Variants in INPP5E observed in about 807,000 individuals in gnomAD.
The protein encoded by INPP5E is inositol polyphosphate-5-phosphatase E.
INPP5E carries 34 observed loss-of-function variants against 50.5 expected under a neutral mutation model. The ratio of observed to expected loss-of-function variants is 0.67; its 90% CI spans 0.51 to 0.90. INPP5E has a LOEUF of 0.90. INPP5E is among the 40% of genes least tolerant of loss of function. INPP5E has a pLI of 0.00. For synonymous variants in INPP5E, 447 were observed against 406.0 expected (o/e 1.10, Z -1.21); for missense variants, 942 against 905.5 (o/e 1.04, Z -0.52).
chr9:136,433,121 T>TTCCAGCCGCACCCACCCC (rs1835749684), intron 4 of INPP5E, 34 bp downstream of exon 4: 2 of 1,357,716 alleles, frequency 1.5e-6, no homozygotes, highest in African/African-American at 1.7e-5. Flanking sequence ...CGCTGCCACC[T>TTCCAGCCGCACCCACCCC]TCCAGCCGCG....
intron 6 of INPP5E, 33 bp downstream of exon 6, chr9:136,432,446 G>A (rs1361343988): frequency 5.2e-5 from 73 of 1,413,694 alleles, no homozygotes; most frequent in Middle Eastern, 1.9e-4. Flanking sequence ...GAACCACGGC[G>A]GCACCACCCA....
At chr9:136,432,238 C>G (rs553975947) in intron 6 of INPP5E, among the ~76,000 whole-genome samples, 9 of 152,276 alleles carry the variant, frequency 5.9e-5, no homozygotes, top group African/African-American at 1.9e-4. Flanking sequence ...GGGGAGGCGG[C>G]GGGGCGGGCA....
chr9:136,429,268 C>T lies in INPP5E; in HGVS notation c.*407G>A, dbSNP rs1338463033. On this transcript the variant is annotated 3_prime_UTR_variant, in exon 10 of 10. Coordinates refer to ENST00000371712, the MANE Select transcript of INPP5E (RefSeq NM_019892.6). ...GGGCTGCCAGGAGGACACAGATGGA[C>T]GCCTGCTTCGGGTGTGGAGGGAGAG... 3.1e-5 allele frequency: 10 copies of T among 322,516 alleles called. No homozygotes were observed. Among genetic ancestry groups the T allele is most frequent in the South Asian group, 1.7e-4 (6 of 35,842 alleles). The allele number at this position is 322,516 out of a possible 1,614,324, so 20.0% of individuals were successfully genotyped here. A position where few individuals can be genotyped will look rare whatever the true frequency, so the allele number is the denominator to read the frequency against.
rs780428016 is a variant in INPP5E at position 136,432,596 on chromosome 9, C to T, written c.1280-10G>A. On this transcript the variant is annotated splice_polypyrimidine_tract_variant and intron_variant, in intron 5 of 9. Coordinates refer to ENST00000371712, the MANE Select transcript of INPP5E (RefSeq NM_019892.6). ...ACCTTCCCGTCACCTGCTGTGGGAA[C>T]AGAAATGGGGTAGGGACCACAGGGT... 7.0e-5 allele frequency: 106 copies of T among 1,515,414 alleles called. No homozygotes were observed. Among genetic ancestry groups the T allele is most frequent in the Non-Finnish European group, 9.1e-5 (102 of 1,116,598 alleles). 93.9% of individuals were successfully genotyped at this position (1,515,414 alleles called of 1,614,324 possible).
rs1447298169 is a variant in INPP5E, at chr9:136,438,865, C to T, written c.555G>A (p.Leu185=). 6.3e-7 allele frequency: 1 copy of T among 1,594,900 alleles called. No individual in the cohort carries two copies. The highest frequency in any genetic ancestry group is 1.1e-5 in the South Asian group (1 of 89,454). The part of the protein sequence containing the change: ...DAAVAGSSPR[L]PSLLPPRPPP... ...GTGGGCGCGGGGGCAGCAGGCTGGG[C>T]AGCCTGGGCGAGCTCCCCGCCACGG... The change falls in exon 1 of 10, where the codon CTG becomes CTA. Residue 185 remains leucine, a synonymous_variant. Transcript: ENST00000371712.
intron 1 of INPP5E, 126 bp downstream of exon 1, chr9:136,438,482 A>C: frequency 1.2e-6 from 1 of 861,556 alleles, no homozygotes; most frequent in Non-Finnish European, 1.9e-6. Context: ...GCTGCGGGAG[A>C]CCCGCTTCGT....
chr9:136,434,847 T>A lies in INPP5E; in HGVS notation c.829A>T (p.Ser277Cys). Residue 277 changes from serine (S) to cysteine (C), a missense_variant, in exon 2 of 10, where the codon AGC becomes TGC. Ser to Cys is a moderately radical substitution (Grantham distance 112). Coordinates refer to ENST00000371712, the MANE Select transcript of INPP5E (RefSeq NM_019892.6). Reference protein sequence around the residue: ...DVRSRSYLEGSLLASGALLGA... With the variant: ...DVRSRSYLEGCLLASGALLGA... ...AACAGGGCCCCGCTGGCCAGGAGGC[T>A]GCCCTCCAGGTAACTCCTGTGACGG... 1 of 1,609,580 alleles carries A rather than the reference T, an allele frequency of 6.2e-7. No individual in the cohort carries two copies. The highest frequency in any genetic ancestry group is 8.5e-7 in the Non-Finnish European group (1 of 1,178,740).
rs867173264 is a variant in INPP5E at position 136,439,172 on chromosome 9, G to A, written c.248C>T (p.Ala83Val). 7 of 1,561,494 alleles carry A rather than the reference G, an allele frequency of 4.5e-6. No individual in the cohort carries two copies. The highest frequency in any genetic ancestry group is 1.4e-5 in the African/African-American group (1 of 73,914). The change falls in exon 1 of 10, where the codon GCC becomes GTC. Residue 83 changes from alanine (A) to valine (V), a missense_variant. Ala to Val is a moderately conservative substitution (Grantham distance 64, BLOSUM62 0). Coordinates refer to ENST00000371712, the MANE Select transcript of INPP5E (RefSeq NM_019892.6). The stretch of plus-strand genomic sequence containing the variant: ...CCAGCCCTTGTCGTCCAGGGACAGG[G>A]CTCGCTCCAGTCGAGGCCTGGCGGG... ...RPPARPRLER[A>V]LSLDDKGWRR...
chr9:136,437,877 G>A (rs1285774720), intron 1 of INPP5E: 1 of 153,248 alleles, frequency 6.5e-6, no homozygotes, highest in Non-Finnish European at 1.5e-5. Flanking sequence ...GCTTGGGAGA[G>A]GTCATGGGTT....
At chr9:136,435,997 C>T (rs555701678) in intron 1 of INPP5E, 1 of 152,350 alleles carries the variant, frequency 6.6e-6, no homozygotes, top group Admixed American at 6.5e-5. Context: ...CTCTAAGTAA[C>T]ACTTGTGCGG....
Position 136,431,228 on chromosome 9 carries a change from C to T in INPP5E, c.1550-111G>A, listed in dbSNP as rs538527461. On this transcript the variant is annotated intron_variant, in intron 7 of 9. Transcript: ENST00000371712. ...CCACGCCCACCCTCCCCCCACCCGCCGCAGGCCCTCACCTTTCCTCATCTC... is the reference window on the plus strand; with the variant it reads ...CCACGCCCACCCTCCCCCCACCCGCTGCAGGCCCTCACCTTTCCTCATCTC... The T allele has an allele frequency of 1.3e-4, 77 of 598,090 alleles. 1 individual carries two copies. Among genetic ancestry groups the T allele is most frequent in the Non-Finnish European group, 1.9e-4 (66 of 342,522 alleles). The allele number at this position is 598,090 out of a possible 1,614,324, so 37.0% of individuals were successfully genotyped here. A position where few individuals can be genotyped will look rare whatever the true frequency, so the allele number is the denominator to read the frequency against.
chr9:136,430,122 C>T lies in INPP5E; in HGVS notation c.1802+155G>A, dbSNP rs72775768. On this transcript the variant is annotated intron_variant, in intron 9 of 9. Transcript: ENST00000371712. ...TCTCCCCTTCCTGCCTTCTCCTGCT[C>T]CAGGATGAGTCCAACCGATCCCGGG... Among the ~76,000 whole-genome samples, 42,566 of 152,108 alleles carry T rather than the reference C, an allele frequency of 0.28. 6,140 individuals are homozygous for T. The highest frequency in any genetic ancestry group is 0.31 in the African/African-American group (13,021 of 41,492).
chr9:136,429,643 C>G lies in INPP5E; in HGVS notation c.*32G>C. 1 of 1,612,820 alleles carries G rather than the reference C, an allele frequency of 6.2e-7. No individual in the cohort carries two copies. The highest frequency in any genetic ancestry group is 8.5e-7 in the Non-Finnish European group (1 of 1,179,740). On this transcript the variant is annotated 3_prime_UTR_variant, in exon 10 of 10. Coordinates refer to ENST00000371712, the MANE Select transcript of INPP5E (RefSeq NM_019892.6). ...GGTTTTGATCAATACAATCACCCCA[C>G]GTTGCAGCTGTGAGTCCTCGTTCAG...
Position 136,438,423 on chromosome 9 carries a change from A to G in INPP5E, c.812+185T>C. 3 of 634,354 alleles carry G rather than the reference A, an allele frequency of 4.7e-6. No individual in the cohort carries two copies. The East Asian group carries it at 8.2e-5, about 17-fold the overall frequency. The allele number at this position is 634,354 out of a possible 1,614,324, so 39.3% of individuals were successfully genotyped here. A position where few individuals can be genotyped will look rare whatever the true frequency, so the allele number is the denominator to read the frequency against. ...ACGAATGGTTCTGAAACGCACAGGA[A>G]AAGTTCTGGGAAGGGCGCTGCTGTG... On this transcript the variant is annotated intron_variant, in intron 1 of 9. Coordinates refer to ENST00000371712, the MANE Select transcript of INPP5E (RefSeq NM_019892.6).
At position 136,429,547 on chromosome 9, in the gene INPP5E, TGGCACAGA is replaced by T. The variant is rs1835649981; in HGVS notation, c.*120_*127del. 7.8e-7 allele frequency: 1 copy of T among 1,279,756 alleles called. No homozygotes were observed. The highest frequency in any genetic ancestry group is 1.1e-6 in the Non-Finnish European group (1 of 890,212). The allele number at this position is 1,279,756 out of a possible 1,614,324, so 79.3% of individuals were successfully genotyped here. On this transcript the variant is annotated 3_prime_UTR_variant, in exon 10 of 10. Transcript: ENST00000371712. ...AGGGTTGGCTTCCTTCCTGGGACGC[TGGCACAGA>T]GGCACGGTCGCCACAGTCCCTCGGA...
intron 5 of INPP5E, 152 bp from the exon 6 acceptor site, chr9:136,432,738 C>G: frequency 1.1e-6 from 1 of 919,772 alleles, no homozygotes; most frequent in Non-Finnish European, 1.7e-6. Flanking sequence ...GTGACATTTC[C>G]GCCTCGGAGG....
At chr9:136,432,808 C>T (rs949958398) in intron 5 of INPP5E, 148 bp downstream of exon 5, 121 of 1,123,756 alleles carry the variant, frequency 1.1e-4, no homozygotes, top group Admixed American at 6.8e-4. Context: ...GGGTCCTTGG[C>T]GTGCATCTTA....
chr9:136,439,052 GC>G lies in INPP5E; in HGVS notation c.367del (p.Ala123ProfsTer11). 1 of 1,569,602 alleles carries G rather than the reference GC, an allele frequency of 6.4e-7. No homozygotes were observed. Among genetic ancestry groups the G allele is most frequent in the South Asian group, 1.2e-5 (1 of 85,894 alleles). On this transcript the variant is annotated frameshift_variant, in exon 1 of 10. Coordinates refer to ENST00000371712, the MANE Select transcript of INPP5E (RefSeq NM_019892.6). LOFTEE classifies it high-confidence loss of function. ...GGGCGGGGAGCAGCTGTGGGCGGGGGCCCCGGGGCCCTCGCTCTGCACTGAG... is the reference window on the plus strand; with the variant it reads ...GGGCGGGGAGCAGCTGTGGGCGGGGGCCCGGGGCCCTCGCTCTGCACTGAG... ...RGSVQSEGPG[A>X]PAHSCSPPCL... is the part of the protein sequence containing the mutation.
At chr9:136,436,996 C>T (rs765055249) in intron 1 of INPP5E, 4 of 152,330 alleles carry the variant, frequency 2.6e-5, no homozygotes, top group Non-Finnish European at 1.5e-5. Flanking sequence ...CTACGTCAAC[C>T]GGATCTAATT....
Sources: gnomAD v4.1 joint callset for allele counts (sites outside exome capture counted in the v4.1 genomes callset) on GRCh38, gnomAD v4.1.1 for gene constraint, MANE v1.5 for transcripts, NCBI Gene and HGNC (gene_info 2026-07-23, HGNC 2026-07-21) for gene names.